Variants in DCC observed in about 807,000 individuals in gnomAD.
The protein encoded by DCC is netrin receptor DCC.
DCC carries 58 observed loss-of-function variants against 172.5 expected under a neutral mutation model. The observed-to-expected ratio is 0.34, with a 90% CI of 0.27 to 0.42. DCC has a LOEUF of 0.42. Among genes scored for constraint, DCC ranks in the 10% least tolerant of loss-of-function variants. DCC has a pLI of 1.00. For missense variants in DCC, 1,740 were observed against 1,791.0 expected, an observed-to-expected ratio of 0.97 and a Z score of 0.51; for synonymous variants, 709 against 644.5, an observed-to-expected ratio of 1.10 and a Z score of -1.52.
chr18:52,682,550 A>G (rs1360750600), intron 1 of DCC, among the ~76,000 whole-genome samples: 1 of 152,090 alleles, frequency 6.6e-6, no homozygotes, highest in Non-Finnish European at 1.5e-5. Flanking sequence ...TAGATCATGC[A>G]GAGCATTACA....
At chr18:52,453,131 C>A (rs1354912041) in intron 1 of DCC, among the ~76,000 whole-genome samples, 1 of 152,196 alleles carries the variant, frequency 6.6e-6, no homozygotes, top group Admixed American at 6.5e-5. Context: ...CATATAGCTA[C>A]CCTCAAATAA....
chr18:52,776,399 GAAAA>G (rs1262636149), intron 2 of DCC, among the ~76,000 whole-genome samples: 1 of 151,970 alleles, frequency 6.6e-6, no homozygotes, highest in African/African-American at 2.4e-5. Context: ...AATTTTAAAA[GAAAA>G]AGAAGGGTTC....
intron 2 of DCC, among the ~76,000 whole-genome samples, chr18:52,898,374 G>T (rs1598909631): frequency 6.6e-6 from 1 of 152,168 alleles, no homozygotes; most frequent in South Asian, 2.1e-4. Flanking sequence ...CCATTCTGGG[G>T]GTGTGTGGGT....
Position 53,450,591 on chromosome 18 carries a change from T to C in DCC, c.3321T>C (p.Gly1107=). 1 of 1,612,164 alleles carries C rather than the reference T, an allele frequency of 6.2e-7. No individual in the cohort carries two copies. Among genetic ancestry groups the C allele is most frequent in the Non-Finnish European group, 8.5e-7 (1 of 1,179,352 alleles). The part of the protein sequence containing the change: ...NLLVIIVVTV[G]VITVLVVVIV... ...TTGTGATCATTGTGGTCACCGTTGG[T>C]GTCATCACAGTGCTGGTAGTGGTCA... The change falls in exon 23 of 29, where the codon GGT becomes GGC. Residue 1107 remains glycine (G), a synonymous_variant. Coordinates refer to ENST00000442544, the MANE Select transcript of DCC (RefSeq NM_005215.4).
chr18:53,440,499 GT>G (rs34062390), intron 22 of DCC, among the ~76,000 whole-genome samples: 70,501 of 145,888 alleles, frequency 0.48, 17,426 homozygotes, highest in Non-Finnish European at 0.57. Context: ...TTGCAAACCT[GT>G]TTTTTTTTTT....
chr18:53,340,827 C>G (rs1015723160), intron 15 of DCC, among the ~76,000 whole-genome samples: 1 of 152,196 alleles, frequency 6.6e-6, no homozygotes, highest in Admixed American at 6.5e-5. Context: ...ATTGGGCAGG[C>G]AGGGTGTAGG....
At chr18:53,267,087 TACAC>T (rs1175991668) in intron 12 of DCC, among the ~76,000 whole-genome samples, 1 of 149,352 alleles carries the variant, frequency 6.7e-6, no homozygotes, top group Admixed American at 6.7e-5. Context: ...AACCTTTATA[TACAC>T]ACACACACAC....
intron 1 of DCC, among the ~76,000 whole-genome samples, chr18:52,414,842 G>T (rs1327308591): frequency 6.6e-6 from 1 of 152,142 alleles, no homozygotes; most frequent in Non-Finnish European, 1.5e-5. Context: ...ACATTTAATT[G>T]GTTTATGCTT....
chr18:52,587,649 C>A (rs1243616362), intron 1 of DCC, among the ~76,000 whole-genome samples: 2 of 152,192 alleles, frequency 1.3e-5, no homozygotes, highest in Non-Finnish European at 2.9e-5. Context: ...GCAAAGTGCA[C>A]AACCAGGTGC....
intron 12 of DCC, among the ~76,000 whole-genome samples, chr18:53,303,232 T>A (rs2057161028): frequency 6.6e-6 from 1 of 152,230 alleles, no homozygotes; most frequent in South Asian, 2.1e-4. Flanking sequence ...TATTGAATAT[T>A]TAATTTGTGC....
intron 1 of DCC, among the ~76,000 whole-genome samples, chr18:52,390,954 A>C (rs1986008175): frequency 6.6e-6 from 1 of 151,960 alleles, no homozygotes; most frequent in Admixed American, 6.6e-5. Context: ...CCATTACCAA[A>C]AGTCTTATCA....
intron 18 of DCC, among the ~76,000 whole-genome samples, chr18:53,400,117 C>T (rs1244035451): frequency 6.6e-6 from 1 of 151,928 alleles, no homozygotes; most frequent in East Asian, 1.9e-4. Flanking sequence ...GAAGTAATAT[C>T]AGAAATATAA....
At chr18:52,770,626 T>TC (rs138640494) in intron 2 of DCC, among the ~76,000 whole-genome samples, 14,687 of 152,230 alleles carry the variant, frequency 0.096, 904 homozygotes, top group Middle Eastern at 0.2. Context: ...TGAACTGGAA[T>TC]CATCAGAACT....
intron 5 of DCC, among the ~76,000 whole-genome samples, chr18:53,018,485 TA>T (rs1357528917): frequency 6.6e-6 from 1 of 152,220 alleles, no homozygotes; most frequent in South Asian, 2.1e-4. Flanking sequence ...TATGCCCTAC[TA>T]ACTATACTTT....
intron 5 of DCC, among the ~76,000 whole-genome samples, chr18:52,950,929 C>CAAAAAAAAAAAAAAAAAAA (rs755118442): frequency 7.0e-5 from 4 of 57,408 alleles, no homozygotes; most frequent in African/African-American, 6.5e-5. Flanking sequence ...GACTCCGTCT[C>CAAAAAAAAAAAAAAAAAAA]AAAAAAAAAA....
At chr18:53,133,636 T>C (rs550704227) in intron 7 of DCC, among the ~76,000 whole-genome samples, 37 of 152,320 alleles carry the variant, frequency 2.4e-4, no homozygotes, top group African/African-American at 7.9e-4. Flanking sequence ...GCAAAAGAGA[T>C]AAAACAGAAA....
intron 5 of DCC, among the ~76,000 whole-genome samples, chr18:52,972,104 A>T (rs550853226): frequency 5.9e-5 from 9 of 152,306 alleles, no homozygotes; most frequent in Admixed American, 2.0e-4. Context: ...CAATATATGA[A>T]CATGAAAGAA....
rs1344273396 is a variant in DCC, at chr18:52,619,591, A to T, written c.92-132463A>T. 2.0e-5 allele frequency among the ~76,000 whole-genome samples: 3 copies of T among 152,310 alleles called. No individual in the cohort carries two copies. In the East Asian group the frequency reaches 5.8e-4, roughly 29 times the overall value. On this transcript the variant is annotated intron_variant, in intron 1 of 28. Coordinates refer to ENST00000442544, the MANE Select transcript of DCC (RefSeq NM_005215.4). ...TGCAGTTGTTCAAGTTATAAATCCA[A>T]CTAATTGTACTTATATTTTACCAAT... is the stretch of plus-strand genomic sequence containing the variant.
intron 2 of DCC, among the ~76,000 whole-genome samples, chr18:52,818,638 A>G (rs983605799): frequency 6.6e-6 from 1 of 152,146 alleles, no homozygotes; most frequent in Non-Finnish European, 1.5e-5. Flanking sequence ...AAGGAGAAAG[A>G]TCATTAGATC....
Sources: allele counts gnomAD v4.1 joint callset (sites outside exome capture counted in the v4.1 genomes callset), GRCh38; gene constraint gnomAD v4.1.1; transcripts MANE v1.5; gene names NCBI Gene and HGNC (gene_info 2026-07-23, HGNC 2026-07-21).